SHISA2: variants seen among roughly 807,000 people sequenced by gnomAD.
SHISA2 encodes the protein protein shisa-2 homolog.
In SHISA2, 16 loss-of-function variants were observed where a neutral mutation model predicts 23.8. That is an observed-to-expected ratio of 0.67 (90% CI 0.46 to 1.02). The LOEUF (loss-of-function observed/expected upper bound fraction) is 1.02, where lower values mean the gene tolerates loss of function less well. SHISA2 is among the 50% of genes least tolerant of loss of function. The pLI, the probability that SHISA2 is intolerant of heterozygous loss-of-function variation, is 0.00. For missense variants in SHISA2, 459 were observed against 420.1 expected (o/e 1.09, Z -0.81); for synonymous variants, 201 against 178.6 (o/e 1.13, Z -1.00).
At chr13:26,049,713 G>A (rs1443908599) in intron 1 of SHISA2, among the ~76,000 whole-genome samples, 15 of 152,270 alleles carry the variant, frequency 9.9e-5, no homozygotes, top group Non-Finnish European at 2.1e-4. Flanking sequence ...AAACTACGCT[G>A]TGCCAAAGCT....
rs932758971 is a variant in SHISA2 at position 26,045,970 on chromosome 13, C to A, written c.*543G>T. 1 of 151,302 alleles carries A rather than the reference C, an allele frequency of 6.6e-6. No individual in the cohort carries two copies. Among genetic ancestry groups the A allele is most frequent in the Admixed American group, 6.6e-5 (1 of 15,124 alleles). The allele number at this position is 151,302 out of a possible 1,614,324, so 9.4% of individuals were successfully genotyped here. A position where few individuals can be genotyped will look rare whatever the true frequency, so the allele number is the denominator to read the frequency against. Reference sequence around the variant, plus strand: ...GGGCAGGCACCTGTAATCCCAGCCACGTGGGAGGCTGAGGCAGGAGTGTTG... The same window carrying A: ...GGGCAGGCACCTGTAATCCCAGCCAAGTGGGAGGCTGAGGCAGGAGTGTTG... On this transcript the variant is annotated 3_prime_UTR_variant, in exon 2 of 2. Transcript: ENST00000319420.
chr13:26,050,561 C>A (rs1247999786), intron 1 of SHISA2, 81 bp downstream of exon 1: 1 of 1,302,102 alleles, frequency 7.7e-7, no homozygotes, highest in South Asian at 1.8e-5. Flanking sequence ...TCCTGAATTT[C>A]CCCCCTTCAA....
At position 26,046,645 on chromosome 13, in the gene SHISA2, C is replaced by G. The variant is rs764262757; in HGVS notation, c.756G>C (p.Val252=). The G allele has an allele frequency of 6.2e-7, 1 of 1,614,220 alleles. No homozygotes were observed. Among genetic ancestry groups the G allele is most frequent in the African/African-American group, 1.3e-5 (1 of 75,062 alleles). The change falls in exon 2 of 2, where the codon GTG becomes GTC. Residue 252 remains valine, a synonymous_variant. Coordinates refer to ENST00000319420, the MANE Select transcript of SHISA2 (RefSeq NM_001007538.2). The part of the protein sequence containing the change: ...YLHPPYVGYT[V]QHDSVPMTAV... ...CTGTCATGGGCACAGAGTCGTGCTG[C>G]ACCGTGTACCCCACGTATGGGGGAT...
chr13:26,046,777 C>A lies in SHISA2; in HGVS notation c.624G>T (p.Leu208Phe), dbSNP rs200507580. 1.2e-6 allele frequency: 2 copies of A among 1,614,232 alleles called. No individual in the cohort carries two copies. Among genetic ancestry groups the A allele is most frequent in the East Asian group, 4.5e-5 (2 of 44,882 alleles). Residue 208 changes from leucine (L) to phenylalanine (F), a missense_variant, in exon 2 of 2, where the codon TTG becomes TTT. Leu to Phe is a conservative substitution (Grantham distance 22). Coordinates refer to ENST00000319420, the MANE Select transcript of SHISA2 (RefSeq NM_001007538.2). The part of the protein sequence containing the change: ...PPTRSQTNCC[L>F]PEGTMNNVYV... ...ACACGTTGTTCATGGTCCCTTCCGG[C>A]AAGCAACAGTTGGTCTGTGACCTTG...
rs368445846 is a variant in SHISA2, at chr13:26,046,475, G to C, written c.*38C>G. The stretch of plus-strand genomic sequence containing the variant: ...ACCTCGAGAATCCACCCCTGCCTTC[G>C]TCTCCCTTCAGTAAAGGAACCCACC... On this transcript the variant is annotated 3_prime_UTR_variant, in exon 2 of 2. Coordinates refer to ENST00000319420, the MANE Select transcript of SHISA2 (RefSeq NM_001007538.2). The C allele has an allele frequency of 5.2e-6, 8 of 1,540,804 alleles. No individual in the cohort carries two copies. The highest frequency in any genetic ancestry group is 7.0e-6 in the Non-Finnish European group (8 of 1,140,910).
intron 1 of SHISA2, 22 bp from the exon 2 acceptor site, chr13:26,047,088 C>G (rs1290004340): frequency 1.6e-5 from 24 of 1,519,060 alleles, no homozygotes; most frequent in Non-Finnish European, 2.1e-5. Flanking sequence ...GACAGAAACA[C>G]AACATTATGA....
chr13:26,049,174 T>C (rs543294274), intron 1 of SHISA2, among the ~76,000 whole-genome samples: 2 of 152,050 alleles, frequency 1.3e-5, no homozygotes, highest in African/African-American at 4.8e-5. Context: ...TGGGGAGAAA[T>C]AAGTGTTCTC....
intron 1 of SHISA2, among the ~76,000 whole-genome samples, chr13:26,049,910 T>C (rs1327940168): frequency 1.8e-5 from 2 of 112,928 alleles, no homozygotes; most frequent in African/African-American, 3.1e-5. Flanking sequence ...ACGGAGTGAC[T>C]GGTGTAGACA....
intron 1 of SHISA2, among the ~76,000 whole-genome samples, chr13:26,049,954 G>A (rs1957290338): frequency 6.6e-6 from 1 of 151,724 alleles, no homozygotes. Context: ...TTTCTGAAGA[G>A]TGAAGTGCAA....
chr13:26,050,941 G>A lies in SHISA2; in HGVS notation c.35C>T (p.Ser12Phe), dbSNP rs1340018443. 3 of 1,520,456 alleles carry A rather than the reference G, an allele frequency of 2.0e-6. No individual in the cohort carries two copies. The highest frequency in any genetic ancestry group is 2.6e-5 in the East Asian group (1 of 39,044). 94.2% of individuals were successfully genotyped at this position (1,520,456 alleles called of 1,614,324 possible). A position where few individuals can be genotyped will look rare whatever the true frequency, so the allele number is the denominator to read the frequency against. The part of the protein sequence containing the change: ...WGARRSSVSS[S>F]WNAASLLQLL... ...CTGCAGGAGCGAAGCGGCGTTCCAG[G>A]ATGAGGAGACGGACGAGCGGCGAGC... is the stretch of plus-strand genomic sequence containing the variant. Residue 12 changes from serine (S) to phenylalanine (F), a missense_variant, in exon 1 of 2, where the codon TCC becomes TTC. By Grantham distance (155) the Ser-to-Phe change is radical. Transcript: ENST00000319420.
intron 1 of SHISA2, among the ~76,000 whole-genome samples, chr13:26,048,511 C>A (rs377468024): frequency 4.6e-5 from 7 of 152,104 alleles, no homozygotes; most frequent in Admixed American, 4.6e-4. Flanking sequence ...CTTGCCCCAA[C>A]CTCCTGGCTA....
intron 1 of SHISA2, among the ~76,000 whole-genome samples, chr13:26,050,202 G>T (rs1447931242): frequency 6.6e-6 from 1 of 152,172 alleles, no homozygotes; most frequent in Non-Finnish European, 1.5e-5. Context: ...GCAGCCCCGG[G>T]AAAGCCCTGA....
chr13:26,046,413 ATCGT>A lies in SHISA2; in HGVS notation c.*96_*99del, dbSNP rs1957267580. On this transcript the variant is annotated 3_prime_UTR_variant, in exon 2 of 2. Transcript: ENST00000319420. Reference sequence around the variant, plus strand: ...GGGGCAAATGAAGCCATCCAAAGGAATCGTGCCATAAATACCACCGACATGTGCG... The same window carrying A: ...GGGGCAAATGAAGCCATCCAAAGGAAGCCATAAATACCACCGACATGTGCG... The A allele has an allele frequency of 2.4e-6, 3 of 1,245,092 alleles. No homozygotes were observed. In the South Asian group the frequency reaches 4.6e-5, roughly 19 times the overall value. The allele number at this position is 1,245,092 out of a possible 1,614,324, so 77.1% of individuals were successfully genotyped here.
rs1957307803 is a variant in SHISA2 at position 26,051,964 on chromosome 13, A to C, written c.-989T>G. On this transcript the variant is annotated 5_prime_UTR_variant, in exon 1 of 2. Coordinates refer to ENST00000319420, the MANE Select transcript of SHISA2 (RefSeq NM_001007538.2). ...GGCTACGGGAGAAGCCGAGCGCAGC[A>C]GCCGCCCACAGCCTCGCCTCGCCCC... is the stretch of plus-strand genomic sequence containing the variant. 2.2e-5 allele frequency among the ~76,000 whole-genome samples: 2 copies of C among 92,946 alleles called. No individual in the cohort carries two copies. The highest frequency in any genetic ancestry group is 8.4e-5 in the African/African-American group (2 of 23,934). The allele number at this position is 92,946 out of a possible 152,430, so 61.0% of individuals were successfully genotyped here.
chr13:26,049,579 C>G (rs113657828), intron 1 of SHISA2, among the ~76,000 whole-genome samples: 3,956 of 152,256 alleles, frequency 0.026, 172 homozygotes, highest in African/African-American at 0.089. Context: ...GAATTACGCT[C>G]TCTTCAGATT....
intron 1 of SHISA2, among the ~76,000 whole-genome samples, chr13:26,049,294 A>T (rs1022366348): frequency 2.0e-5 from 3 of 152,240 alleles, no homozygotes; most frequent in African/African-American, 4.8e-5. Flanking sequence ...TTCACTGCAG[A>T]AGAAAAGTGA....
At chr13:26,047,834 T>C (rs185997947) in intron 1 of SHISA2, among the ~76,000 whole-genome samples, 1 of 152,036 alleles carries the variant, frequency 6.6e-6, no homozygotes, top group East Asian at 1.9e-4. Context: ...CAAGACGTGT[T>C]CCAGAAAGAA....
chr13:26,049,623 T>C (rs1441635513), intron 1 of SHISA2, among the ~76,000 whole-genome samples: 1 of 152,120 alleles, frequency 6.6e-6, no homozygotes, highest in Non-Finnish European at 1.5e-5. Flanking sequence ...AGCATGCTAA[T>C]AAAATGCTTG....
At chr13:26,049,024 A>G (rs1001323962) in intron 1 of SHISA2, among the ~76,000 whole-genome samples, 2 of 152,204 alleles carry the variant, frequency 1.3e-5, no homozygotes, top group African/African-American at 2.4e-5. Context: ...CGTGTTATAA[A>G]TATTTCATTC....
Sources: allele counts gnomAD v4.1 joint callset (sites outside exome capture counted in the v4.1 genomes callset), GRCh38; gene constraint gnomAD v4.1.1; transcripts MANE v1.5; gene names NCBI Gene and HGNC (gene_info 2026-07-23, HGNC 2026-07-21).